The following LRRC1 variants were observed in gnomAD, a reference collection of about 807,000 sequenced individuals.
LRRC1 encodes leucine-rich repeat-containing protein 1.
Under a neutral mutation model 69.9 loss-of-function variants are expected in LRRC1, and 28 were observed. The ratio of observed to expected loss-of-function variants is 0.40; its 90% CI spans 0.30 to 0.55. The LOEUF (loss-of-function observed/expected upper bound fraction) is 0.55, where lower values mean the gene tolerates loss of function less well. LRRC1 is among the 20% of genes least tolerant of loss of function. The probability of loss-of-function intolerance (pLI) is 0.47; values close to 1 mark genes in which losing one functional copy is unlikely to be tolerated. For synonymous variants in LRRC1, 236 were observed against 240.2 expected (o/e 0.98, Z 0.16); for missense variants, 498 against 609.0 (o/e 0.82, Z 1.92).
At chr6:53,920,597 C>T (rs1437580959) in intron 12 of LRRC1, 28 bp from the exon 13 acceptor site, 2 of 1,613,978 alleles carry the variant, frequency 1.2e-6, no homozygotes, top group African/African-American at 2.7e-5. Flanking sequence ...AACGCAATTC[C>T]CTGCTTATGT....
At chr6:53,819,453 A>G (rs532912497) in intron 1 of LRRC1, among the ~76,000 whole-genome samples, 8 of 152,314 alleles carry the variant, frequency 5.3e-5, no homozygotes, top group African/African-American at 1.9e-4. Context: ...AAGTGAATAC[A>G]TAGTAAGCCC....
At position 53,795,150 on chromosome 6, in the gene LRRC1, A is replaced by G. The variant is rs1764248845; in HGVS notation, c.-107A>G. On this transcript the variant is annotated 5_prime_UTR_variant, in exon 1 of 14. Transcript: ENST00000370888. ...GAAGCGAGCTAACCCAAGAGCCAAC[A>G]ACGAGCGCGGAGAGGGCAGCGGACT... The G allele has an allele frequency of 3.9e-6, 4 of 1,021,024 alleles. No homozygotes were observed. The highest frequency in any genetic ancestry group is 5.5e-6 in the Non-Finnish European group (4 of 725,470). 63.2% of individuals were successfully genotyped at this position (1,021,024 alleles called of 1,614,324 possible).
intron 10 of LRRC1, among the ~76,000 whole-genome samples, chr6:53,909,310 C>G (rs1025357363): frequency 2.6e-5 from 4 of 152,208 alleles, no homozygotes; most frequent in African/African-American, 9.7e-5. Flanking sequence ...CAGAGTCACA[C>G]AGCAAAGAAG....
chr6:53,797,515 T>A (rs1406040496), intron 1 of LRRC1, among the ~76,000 whole-genome samples: 1 of 152,168 alleles, frequency 6.6e-6, no homozygotes, highest in East Asian at 1.9e-4. Context: ...TATAACTTAT[T>A]ACCACTGGTC....
chr6:53,824,076 C>T (rs1370712621), intron 1 of LRRC1, among the ~76,000 whole-genome samples: 1 of 151,360 alleles, frequency 6.6e-6, no homozygotes, highest in African/African-American at 2.4e-5. Flanking sequence ...TACTCTTTCC[C>T]ACATGGTTAA....
At chr6:53,813,536 GT>G (rs373976626) in intron 1 of LRRC1, among the ~76,000 whole-genome samples, 23 of 123,666 alleles carry the variant, frequency 1.9e-4, no homozygotes, top group Non-Finnish European at 2.1e-4. Context: ...TGGCTCAGTG[GT>G]TTTTTTTTTT....
In LRRC1 at chr6:53,922,906, T is replaced by G; in HGVS notation, c.*113T>G. 4.0e-6 allele frequency: 4 copies of G among 1,003,340 alleles called. No homozygotes were observed. Among genetic ancestry groups the G allele is most frequent in the Non-Finnish European group, 1.5e-6 (1 of 675,776 alleles). The allele number at this position is 1,003,340 out of a possible 1,614,324, so 62.2% of individuals were successfully genotyped here. ...TCCTAACCAGCCCCCGCGCGCCATC[T>G]TCCCGTGGAGTGTGGGGAAGCTGCT... On this transcript the variant is annotated 3_prime_UTR_variant, in exon 14 of 14. Transcript: ENST00000370888.
chr6:53,912,062 A>C (rs1286050715), intron 10 of LRRC1, among the ~76,000 whole-genome samples: 4 of 152,238 alleles, frequency 2.6e-5, no homozygotes, highest in African/African-American at 9.6e-5. Context: ...GAGGTCTTTC[A>C]CAAGTAAGTA....
rs190133760 is a variant in LRRC1 at position 53,856,422 on chromosome 6, T to C, written c.277+14195T>C. 2.8e-3 allele frequency among the ~76,000 whole-genome samples: 419 copies of C among 152,170 alleles called. 3 individuals carry two copies. Among genetic ancestry groups the C allele is most frequent in the African/African-American group, 9.5e-3 (395 of 41,518 alleles). ...GGTATTCCTGAAGGAGCTGGGAGGT[T>C]GTGGGGCATGCTCCATCATTTTGGG... On this transcript the variant is annotated intron_variant, in intron 2 of 13. Transcript: ENST00000370888.
intron 9 of LRRC1, 151 bp downstream of exon 9, chr6:53,902,898 C>G: frequency 1.8e-6 from 1 of 566,760 alleles, no homozygotes; most frequent in South Asian, 2.7e-5. Flanking sequence ...AGTTTTTAAC[C>G]TGCTTAAGCA....
intron 1 of LRRC1, among the ~76,000 whole-genome samples, chr6:53,811,046 C>G (rs911196128): frequency 2.6e-5 from 4 of 152,182 alleles, no homozygotes; most frequent in Non-Finnish European, 5.9e-5. Flanking sequence ...TTGGGAAATT[C>G]AGTGCGTTAA....
At chr6:53,864,158 C>A (rs968584288) in intron 2 of LRRC1, among the ~76,000 whole-genome samples, 4 of 152,116 alleles carry the variant, frequency 2.6e-5, no homozygotes, top group Non-Finnish European at 5.9e-5. Context: ...AATGATCCCC[C>A]CTCTGGGTGA....
intron 1 of LRRC1, among the ~76,000 whole-genome samples, chr6:53,832,548 T>TA (rs1243972225): frequency 6.6e-6 from 1 of 152,200 alleles, no homozygotes; most frequent in African/African-American, 2.4e-5. Flanking sequence ...CATCAAAATA[T>TA]AAAAAACACT....
intron 1 of LRRC1, among the ~76,000 whole-genome samples, chr6:53,818,437 C>T (rs1765015208): frequency 6.6e-6 from 1 of 152,130 alleles, no homozygotes; most frequent in East Asian, 1.9e-4. Context: ...ACAGTGAATG[C>T]CTGTCAATGA....
In LRRC1 at chr6:53,835,668, G is replaced by C. The variant is rs542498838; in HGVS notation, c.160-6442G>C. Among the ~76,000 whole-genome samples the C allele has an allele frequency of 8.6e-5, 13 of 151,970 alleles. No individual in the cohort carries two copies. The East Asian group carries it at 2.5e-3, about 29-fold the overall frequency. On this transcript the variant is annotated intron_variant, in intron 1 of 13. Coordinates refer to ENST00000370888, the MANE Select transcript of LRRC1 (RefSeq NM_018214.5). The stretch of plus-strand genomic sequence containing the variant: ...GACTATTTCTTGGCCTTTTCTTTTT[G>C]TCTATATCCTTTTCATATATAAAGA...
chr6:53,796,078 G>C (rs1764292117), intron 1 of LRRC1, among the ~76,000 whole-genome samples: 1 of 152,250 alleles, frequency 6.6e-6, no homozygotes, highest in African/African-American at 2.4e-5. Flanking sequence ...CCTTGCCTAC[G>C]TGGACCTGTT....
intron 1 of LRRC1, among the ~76,000 whole-genome samples, chr6:53,823,172 T>C (rs189322661): frequency 1.3e-5 from 2 of 152,334 alleles, no homozygotes; most frequent in African/African-American, 4.8e-5. Flanking sequence ...TGCTATTCTT[T>C]TCTGTGAGGC....
chr6:53,808,719 C>A (rs1313549573), intron 1 of LRRC1, among the ~76,000 whole-genome samples: 1 of 151,978 alleles, frequency 6.6e-6, no homozygotes, highest in Non-Finnish European at 1.5e-5. Flanking sequence ...CAAGGTCAGA[C>A]ATGGGGAGAC....
intron 12 of LRRC1, 104 bp downstream of exon 12, chr6:53,919,774 A>G (rs924978209): frequency 1.1e-5 from 12 of 1,045,312 alleles, no homozygotes; most frequent in Admixed American, 9.8e-5. Context: ...TGTTATATCC[A>G]GTCTGCACCT....
Sources: gnomAD v4.1 joint callset for allele counts (sites outside exome capture counted in the v4.1 genomes callset) on GRCh38, gnomAD v4.1.1 for gene constraint, MANE v1.5 for transcripts, NCBI Gene and HGNC (gene_info 2026-07-23, HGNC 2026-07-21) for gene names.